GFRAL: variants seen among roughly 807,000 people sequenced by gnomAD.
GFRAL encodes GDNF family receptor alpha-like.
Under a neutral mutation model 45.4 loss-of-function variants are expected in GFRAL, and 36 were observed. The observed-to-expected ratio is 0.79, with a 90% CI of 0.61 to 1.05. GFRAL has a LOEUF of 1.05. Ranked by LOEUF, GFRAL falls within the 50% of genes least tolerant of loss-of-function variation. The pLI, the probability that GFRAL is intolerant of heterozygous loss-of-function variation, is 0.00. For missense variants in GFRAL, 507 were observed against 467.5 expected (o/e 1.08, Z -0.78); for synonymous variants, 166 against 154.1 (o/e 1.08, Z -0.57).
intron 6 of GFRAL, among the ~76,000 whole-genome samples, chr6:55,371,651 C>T (rs1768451967): frequency 6.6e-6 from 1 of 152,112 alleles, no homozygotes; most frequent in Non-Finnish European, 1.5e-5. Flanking sequence ...CACTTTTAAA[C>T]AACAAATGAA....
intron 6 of GFRAL, among the ~76,000 whole-genome samples, chr6:55,359,597 A>G (rs1768246190): frequency 6.6e-6 from 1 of 151,922 alleles, no homozygotes; most frequent in Non-Finnish European, 1.5e-5. Context: ...ATGTGCCTAT[A>G]GTCATCTGGT....
At position 55,395,534 on chromosome 6, in the gene GFRAL, TC is replaced by T. The variant is rs1337096117; in HGVS notation, c.953-3641del. On this transcript the variant is annotated intron_variant, in intron 6 of 8. Coordinates refer to ENST00000340465, the MANE Select transcript of GFRAL (RefSeq NM_207410.2). ...ACTCATTCTAGATACAGGCATTTTT[TC>T]CCCCAAACTGACTCTTCTAAATGTT... 5.9e-5 allele frequency among the ~76,000 whole-genome samples: 9 copies of T among 152,058 alleles called. No homozygotes were observed. The East Asian group carries it at 1.4e-3, about 23-fold the overall frequency.
chr6:55,400,001 T>C (rs1308354512), intron 8 of GFRAL, among the ~76,000 whole-genome samples: 1 of 152,184 alleles, frequency 6.6e-6, no homozygotes, highest in African/African-American at 2.4e-5. Context: ...GCTGCTTTTA[T>C]TGCTGGAATG....
rs1768912064 is a variant in GFRAL, at chr6:55,402,375, T to TAA, written c.*522_*523insAA. The TAA allele has an allele frequency of 1.3e-5, 2 of 152,210 alleles. No individual in the cohort carries two copies. Among genetic ancestry groups the TAA allele is most frequent in the African/African-American group, 4.8e-5 (2 of 41,456 alleles). The allele number at this position is 152,210 out of a possible 1,614,324, so 9.4% of individuals were successfully genotyped here. On this transcript the variant is annotated 3_prime_UTR_variant, in exon 9 of 9. Transcript: ENST00000340465. ...AATGTTAAAATAGACTTAAAAATATTGCTTTGTTACATATAATAATATGGC... is the reference window on the plus strand; with the variant it reads ...AATGTTAAAATAGACTTAAAAATATTAAGCTTTGTTACATATAATAATATGGC...
chr6:55,343,293 C>T (rs540288992), intron 3 of GFRAL, among the ~76,000 whole-genome samples: 14 of 152,312 alleles, frequency 9.2e-5, no homozygotes, highest in African/African-American at 3.1e-4. Context: ...CACTCCTTGG[C>T]AAACGTAAAA....
At position 55,378,475 on chromosome 6, in the gene GFRAL, C is replaced by T. The variant is rs534700118; in HGVS notation, c.952+19337C>T. Reference sequence around the variant, plus strand: ...CTGATCAGCCTTATGGAGAGGAAATCCATTCTGTCAGGCCCATGCATAGCT... The same window carrying T: ...CTGATCAGCCTTATGGAGAGGAAATTCATTCTGTCAGGCCCATGCATAGCT... On this transcript the variant is annotated intron_variant, in intron 6 of 8. Coordinates refer to ENST00000340465, the MANE Select transcript of GFRAL (RefSeq NM_207410.2). Among the ~76,000 whole-genome samples, 23 of 152,006 alleles carry T rather than the reference C, an allele frequency of 1.5e-4. 1 individual carries two copies. The South Asian group carries it at 4.8e-3, about 32-fold the overall frequency.
At chr6:55,390,372 A>G (rs1444066405) in intron 6 of GFRAL, among the ~76,000 whole-genome samples, 1 of 152,224 alleles carries the variant, frequency 6.6e-6, no homozygotes, top group African/African-American at 2.4e-5. Context: ...GTCATGCCAC[A>G]TGTAGGCAGC....
At chr6:55,339,353 G>T (rs184489127) in intron 3 of GFRAL, among the ~76,000 whole-genome samples, 94 of 152,104 alleles carry the variant, frequency 6.2e-4, no homozygotes, top group Admixed American at 3.5e-3. Flanking sequence ...AATTTGCAAT[G>T]ATAAAAAAAT....
At position 55,397,524 on chromosome 6, in the gene GFRAL, C is replaced by CAAAAAAAAAAA. The variant is rs70986715; in HGVS notation, c.953-1640_953-1630dup. On this transcript the variant is annotated intron_variant, in intron 6 of 8. Transcript: ENST00000340465. ...TGGGCGACAGAGCGAGACTCCGTCTCAAAAAAAAAAAAAAAAAAAAAAAAA... is the reference window on the plus strand; with the variant it reads ...TGGGCGACAGAGCGAGACTCCGTCTCAAAAAAAAAAAAAAAAAAAAAAAAAAAAAAAAAAAA... Among the ~76,000 whole-genome samples the CAAAAAAAAAAA allele has an allele frequency of 8.9e-4, 60 of 67,422 alleles. 1 individual carries two copies. The highest frequency in any genetic ancestry group is 3.1e-3 in the African/African-American group (56 of 18,248). The allele number at this position is 67,422 out of a possible 152,430, so 44.2% of individuals were successfully genotyped here.
chr6:55,349,969 A>G lies in GFRAL; in HGVS notation c.317-123A>G, dbSNP rs542247814. On this transcript the variant is annotated intron_variant, in intron 3 of 8. Coordinates refer to ENST00000340465, the MANE Select transcript of GFRAL (RefSeq NM_207410.2). The stretch of plus-strand genomic sequence containing the variant: ...TCAAGGGCTAAATACATGTTACATA[A>G]CCTTGTATGTACTTTTGCTTGAATA... 4 of 679,636 alleles carry G rather than the reference A, an allele frequency of 5.9e-6. No homozygotes were observed. In the East Asian group the frequency reaches 1.1e-4, roughly 18 times the overall value. The allele number at this position is 679,636 out of a possible 1,614,324, so 42.1% of individuals were successfully genotyped here.
chr6:55,343,208 A>G (rs1767993645), intron 3 of GFRAL, among the ~76,000 whole-genome samples: 1 of 152,194 alleles, frequency 6.6e-6, no homozygotes, highest in African/African-American at 2.4e-5. Flanking sequence ...CTCCACCCGA[A>G]ATCAACAGAA....
chr6:55,351,821 A>G (rs1032268280), intron 5 of GFRAL, among the ~76,000 whole-genome samples: 4 of 152,164 alleles, frequency 2.6e-5, no homozygotes, highest in African/African-American at 9.7e-5. Flanking sequence ...TATGGTAGCC[A>G]TGAAATAATA....
At chr6:55,346,142 A>G (rs571390684) in intron 3 of GFRAL, among the ~76,000 whole-genome samples, 20 of 152,336 alleles carry the variant, frequency 1.3e-4, no homozygotes, top group Non-Finnish European at 1.5e-5. Context: ...GCGATTCCTC[A>G]GGGATCTAGA....
chr6:55,353,891 C>T (rs569408257), intron 5 of GFRAL, among the ~76,000 whole-genome samples: 55 of 152,060 alleles, frequency 3.6e-4, no homozygotes, highest in Non-Finnish European at 6.2e-4. Context: ...CTTTTCTCAC[C>T]TCAAATGAAC....
At chr6:55,374,149 T>C (rs576438235) in intron 6 of GFRAL, among the ~76,000 whole-genome samples, 8 of 152,190 alleles carry the variant, frequency 5.3e-5, no homozygotes, top group South Asian at 4.1e-4. Flanking sequence ...CAGTCTATCA[T>C]TGATGGTTAT....
chr6:55,342,432 T>G (rs1056284260), intron 3 of GFRAL, among the ~76,000 whole-genome samples: 15 of 152,078 alleles, frequency 9.9e-5, no homozygotes, highest in African/African-American at 7.2e-5. Context: ...CTAAGCTTCA[T>G]AAGTGAAGGA....
chr6:55,366,652 G>T (rs1345773201), intron 6 of GFRAL, among the ~76,000 whole-genome samples: 1 of 112,328 alleles, frequency 8.9e-6, no homozygotes, highest in Non-Finnish European at 1.8e-5. Flanking sequence ...CTTTGTTCTG[G>T]TTGGTTTCAA....
Position 55,332,630 on chromosome 6 carries a change from G to C in GFRAL, c.157+781G>C, listed in dbSNP as rs1767845026. Among the ~76,000 whole-genome samples the C allele has an allele frequency of 2.0e-5, 3 of 151,966 alleles. No individual in the cohort carries two copies. In the South Asian group the frequency reaches 6.2e-4, roughly 31 times the overall value. On this transcript the variant is annotated intron_variant, in intron 2 of 8. Coordinates refer to ENST00000340465, the MANE Select transcript of GFRAL (RefSeq NM_207410.2). Reference sequence around the variant, plus strand: ...GTAGAGACGGGATTTCACCACGTTGGCCAGGATGGTCTCAATTTCTTGGCC... The same window carrying C: ...GTAGAGACGGGATTTCACCACGTTGCCCAGGATGGTCTCAATTTCTTGGCC...
intron 6 of GFRAL, among the ~76,000 whole-genome samples, chr6:55,395,591 A>C: frequency 6.6e-6 from 1 of 151,986 alleles, no homozygotes; most frequent in East Asian, 1.9e-4. Flanking sequence ...AAGGTTTATA[A>C]ATTTGCAGTT....
Sources: gnomAD v4.1 joint callset for allele counts (sites outside exome capture counted in the v4.1 genomes callset) on GRCh38, gnomAD v4.1.1 for gene constraint, MANE v1.5 for transcripts, NCBI Gene and HGNC (gene_info 2026-07-23, HGNC 2026-07-21) for gene names.